Variants in NIBAN1 observed in about 807,000 individuals in gnomAD.
NIBAN1 encodes protein Niban 1.
A neutral mutation model predicts 75.1 loss-of-function variants in NIBAN1; 81 were observed. That is an observed-to-expected ratio of 1.08 (90% CI 0.90 to 1.30). The LOEUF (loss-of-function observed/expected upper bound fraction) is 1.30, where lower values mean the gene tolerates loss of function less well. NIBAN1 is among the 50% of genes most tolerant of loss of function. NIBAN1 has a pLI of 0.00. For synonymous variants in NIBAN1, 436 were observed against 424.8 expected, an observed-to-expected ratio of 1.03 and a Z score of -0.32; for missense variants, 1,133 against 1,128.1, an observed-to-expected ratio of 1.00 and a Z score of -0.06.
intron 13 of NIBAN1, among the ~76,000 whole-genome samples, 180 bp from the exon 14 acceptor site, chr1:184,796,277 ATTCATTCAT>A (rs2102176978): frequency 6.6e-6 from 1 of 152,322 alleles, no homozygotes; most frequent in Admixed American, 6.5e-5. Flanking sequence ...TGTAGCATTC[ATTCATTCAT>A]TTATTCAAAC....
chr1:184,970,870 G>A (rs2102095693), intron 1 of NIBAN1, among the ~76,000 whole-genome samples: 1 of 152,126 alleles, frequency 6.6e-6, no homozygotes, highest in South Asian at 2.1e-4. Flanking sequence ...AAATTCAAGG[G>A]TAATTTTTAG....
Position 184,791,849 on chromosome 1 carries a change from T to C in NIBAN1, c.*3128A>G, listed in dbSNP as rs1427676539. The C allele has an allele frequency of 6.6e-6, 1 of 152,242 alleles. No individual in the cohort carries two copies. The highest frequency in any genetic ancestry group is 1.5e-5 in the Non-Finnish European group (1 of 68,046). The allele number at this position is 152,242 out of a possible 1,614,324, so 9.4% of individuals were successfully genotyped here. On this transcript the variant is annotated 3_prime_UTR_variant, in exon 14 of 14. Transcript: ENST00000367511. ...GAAAAGCAAAACAAACTCATGGTGATATGCAGTTATTCCATTCAACATGTT... is the reference window on the plus strand; with the variant it reads ...GAAAAGCAAAACAAACTCATGGTGACATGCAGTTATTCCATTCAACATGTT...
At chr1:184,800,697 C>A (rs1025807611) in intron 12 of NIBAN1, among the ~76,000 whole-genome samples, 9 of 152,164 alleles carry the variant, frequency 5.9e-5, no homozygotes, top group Non-Finnish European at 1.3e-4. Context: ...GCAACTATAT[C>A]TACGCCATAT....
intron 1 of NIBAN1, among the ~76,000 whole-genome samples, chr1:184,931,147 C>T (rs1448011359): frequency 6.6e-6 from 1 of 151,832 alleles, no homozygotes; most frequent in Non-Finnish European, 1.5e-5. Context: ...TTACTGGCAC[C>T]CACTACCCTA....
At chr1:184,820,193 T>C (rs1654656038) in intron 8 of NIBAN1, among the ~76,000 whole-genome samples, 1 of 152,176 alleles carries the variant, frequency 6.6e-6, no homozygotes. Flanking sequence ...TATTAGTTAA[T>C]TAACTTTAAA....
chr1:184,930,894 G>A (rs1657800384), intron 1 of NIBAN1, among the ~76,000 whole-genome samples: 1 of 151,982 alleles, frequency 6.6e-6, no homozygotes, highest in Non-Finnish European at 1.5e-5. Flanking sequence ...CAACCAATTA[G>A]TCTTAAGTGC....
chr1:184,823,803 G>A, intron 6 of NIBAN1, 61 bp from the exon 7 acceptor site: 1 of 1,439,540 alleles, frequency 6.9e-7, no homozygotes, highest in Non-Finnish European at 9.8e-7. Context: ...TGAGCATCAG[G>A]CCAACTAAAA....
chr1:184,833,871 G>A (rs1284554410), intron 5 of NIBAN1, among the ~76,000 whole-genome samples: 4 of 142,580 alleles, frequency 2.8e-5, no homozygotes, highest in Non-Finnish European at 4.6e-5. Context: ...TTTTTTTTTC[G>A]ATTATACTTT....
chr1:184,803,559 C>T lies in NIBAN1; in HGVS notation c.1554+26G>A, dbSNP rs370283527. 4.2e-5 allele frequency: 66 copies of T among 1,578,760 alleles called. No homozygotes were observed. The South Asian group carries it at 5.9e-4, about 14-fold the overall frequency. ...GAACTTCAGAGGTAAGAAGAGCAAG[C>T]TCTTTAGGGTAACTCATCCCCTTAC... On this transcript the variant is annotated intron_variant, in intron 12 of 13. Transcript: ENST00000367511.
chr1:184,853,039 T>TA (rs1409614917), intron 5 of NIBAN1, among the ~76,000 whole-genome samples: 8 of 152,142 alleles, frequency 5.3e-5, no homozygotes, highest in African/African-American at 1.9e-4. Context: ...AATATTCAAA[T>TA]AAAAAAATTC....
At chr1:184,852,925 C>T (rs1209350408) in intron 5 of NIBAN1, among the ~76,000 whole-genome samples, 1 of 152,138 alleles carries the variant, frequency 6.6e-6, no homozygotes, top group Non-Finnish European at 1.5e-5. Flanking sequence ...CTTTGACCTC[C>T]TCATTTCCCC....
chr1:184,940,430 A>T (rs1658063302), intron 1 of NIBAN1, among the ~76,000 whole-genome samples: 2 of 152,206 alleles, frequency 1.3e-5, no homozygotes, highest in African/African-American at 4.8e-5. Context: ...TGAATTCCTC[A>T]AATTGTATAA....
intron 9 of NIBAN1, among the ~76,000 whole-genome samples, chr1:184,812,346 A>G (rs1285116050): frequency 6.6e-6 from 1 of 152,206 alleles, no homozygotes; most frequent in Non-Finnish European, 1.5e-5. Context: ...ATTTTGCTCT[A>G]GCCAGAATGA....
chr1:184,956,887 T>C (rs544201916), intron 1 of NIBAN1, among the ~76,000 whole-genome samples: 1 of 152,302 alleles, frequency 6.6e-6, no homozygotes, highest in African/African-American at 2.4e-5. Context: ...ATGAGTGAGA[T>C]ACAAATCACT....
rs529157467 is a variant in NIBAN1, at chr1:184,971,618, C to T, written c.55+2684G>A. On this transcript the variant is annotated intron_variant, in intron 1 of 13. Coordinates refer to ENST00000367511, the MANE Select transcript of NIBAN1 (RefSeq NM_052966.4). ...CAGGGAGTCAGAGGTTGCAGTGATC[C>T]GAGATCGTGCCACTACACTCCAGCT... Among the ~76,000 whole-genome samples the T allele has an allele frequency of 1.2e-4, 19 of 152,014 alleles. No individual in the cohort carries two copies. In the South Asian group the frequency reaches 1.5e-3, roughly 12 times the overall value.
At chr1:184,800,697 C>G (rs1025807611) in intron 12 of NIBAN1, among the ~76,000 whole-genome samples, 1 of 152,166 alleles carries the variant, frequency 6.6e-6, no homozygotes, top group Non-Finnish European at 1.5e-5. Flanking sequence ...GCAACTATAT[C>G]TACGCCATAT....
chr1:184,812,047 T>G (rs922739418), intron 9 of NIBAN1, among the ~76,000 whole-genome samples: 9 of 152,180 alleles, frequency 5.9e-5, no homozygotes, highest in Non-Finnish European at 1.2e-4. Flanking sequence ...TACTAACTAG[T>G]GGCCATCAGA....
intron 12 of NIBAN1, among the ~76,000 whole-genome samples, chr1:184,800,221 T>A (rs1465334967): frequency 1.1e-4 from 16 of 150,382 alleles, no homozygotes; most frequent in African/African-American, 3.4e-4. Context: ...TGTTTGTTTT[T>A]TTCTTGTAAA....
At chr1:184,831,212 T>G (rs1289720981) in intron 6 of NIBAN1, among the ~76,000 whole-genome samples, 2 of 152,146 alleles carry the variant, frequency 1.3e-5, no homozygotes, top group African/African-American at 4.8e-5. Context: ...GTCAGGATCA[T>G]GAGGAATTAT....
Sources: gnomAD v4.1 joint callset for allele counts (sites outside exome capture counted in the v4.1 genomes callset) on GRCh38, gnomAD v4.1.1 for gene constraint, MANE v1.5 for transcripts, NCBI Gene and HGNC (gene_info 2026-07-23, HGNC 2026-07-21) for gene names.